The following THSD7A variants were observed in gnomAD, a reference collection of about 807,000 sequenced individuals.
THSD7A encodes thrombospondin type-1 domain-containing protein 7A.
Under a neutral mutation model 231.3 loss-of-function variants are expected in THSD7A, and 96 were observed. The observed-to-expected ratio is 0.41, with a 90% CI of 0.35 to 0.49. The LOEUF (loss-of-function observed/expected upper bound fraction) is 0.49, where lower values mean the gene tolerates loss of function less well. Ranked by LOEUF, THSD7A falls within the 20% of genes least tolerant of loss-of-function variation. THSD7A has a pLI of 0.05. For synonymous variants in THSD7A, 940 were observed against 743.3 expected, an observed-to-expected ratio of 1.26 and a Z score of -4.30; for missense variants, 2,290 against 2,070.2, an observed-to-expected ratio of 1.11 and a Z score of -2.06.
chr7:11,639,681 A>G (rs965818989), intron 1 of THSD7A, among the ~76,000 whole-genome samples: 4 of 152,122 alleles, frequency 2.6e-5, no homozygotes, highest in African/African-American at 7.2e-5. Context: ...AAAAATAATA[A>G]TAATAAATAA....
intron 1 of THSD7A, among the ~76,000 whole-genome samples, chr7:11,699,189 C>A (rs1007405268): frequency 1.3e-5 from 2 of 151,044 alleles, no homozygotes; most frequent in East Asian, 3.9e-4. Context: ...TTAAATACTA[C>A]AGACTCATTC....
At chr7:11,539,728 G>A (rs137968426) in intron 6 of THSD7A, among the ~76,000 whole-genome samples, 1 of 152,204 alleles carries the variant, frequency 6.6e-6, no homozygotes, top group Admixed American at 6.5e-5. Context: ...TATTCCATTA[G>A]CACAAATACC....
At chr7:11,663,544 TAG>T (rs1381384696) in intron 1 of THSD7A, among the ~76,000 whole-genome samples, 3 of 151,568 alleles carry the variant, frequency 2.0e-5, no homozygotes, top group Non-Finnish European at 3.0e-5. Flanking sequence ...GCTTATGTTG[TAG>T]AGTCAGAAAT....
At chr7:11,668,703 G>A (rs1396796475) in intron 1 of THSD7A, among the ~76,000 whole-genome samples, 1 of 152,148 alleles carries the variant, frequency 6.6e-6, no homozygotes, top group African/African-American at 2.4e-5. Context: ...TTTGGTGACA[G>A]TAAATGTAAG....
In THSD7A at chr7:11,411,381, A is replaced by T; in HGVS notation, c.3683-59T>A. ...CTAAGTAAGAAACAGATTTCAAATG[A>T]AACTCTGATGACCTGAATCCCATAT... On this transcript the variant is annotated intron_variant, in intron 18 of 27. Coordinates refer to ENST00000423059, the MANE Select transcript of THSD7A (RefSeq NM_015204.3). This position sits in a 1 kb window ranked among gnomAD's most constrained non-coding sequence, Gnocchi z 4.1. 1.7e-6 allele frequency: 2 copies of T among 1,166,120 alleles called. No homozygotes were observed. The highest frequency in any genetic ancestry group is 2.7e-5 in the South Asian group (2 of 75,104). The allele number at this position is 1,166,120 out of a possible 1,614,324, so 72.2% of individuals were successfully genotyped here. A position where few individuals can be genotyped will look rare whatever the true frequency, so the allele number is the denominator to read the frequency against.
chr7:11,606,606 T>C (rs1780742702), intron 2 of THSD7A, among the ~76,000 whole-genome samples: 2 of 152,164 alleles, frequency 1.3e-5, no homozygotes, highest in South Asian at 4.1e-4. Flanking sequence ...TATAATATTC[T>C]TATTGAGTTA....
rs549847735 is a variant in THSD7A at position 11,663,067 on chromosome 7, C to T, written c.191-26106G>A. On this transcript the variant is annotated intron_variant, in intron 1 of 27. Coordinates refer to ENST00000423059, the MANE Select transcript of THSD7A (RefSeq NM_015204.3). The stretch of plus-strand genomic sequence containing the variant: ...AAGAGAGAAATACTAAGAGTAAAAA[C>T]TTAATTAATGAAATGGAAATCAAAT... Among the ~76,000 whole-genome samples, 113 of 150,996 alleles carry T rather than the reference C, an allele frequency of 7.5e-4. 1 individual carries two copies. Among genetic ancestry groups the T allele is most frequent in the African/African-American group, 2.6e-3 (107 of 41,372 alleles).
At chr7:11,693,294 T>C (rs1343571852) in intron 1 of THSD7A, among the ~76,000 whole-genome samples, 4 of 151,572 alleles carry the variant, frequency 2.6e-5, no homozygotes, top group Non-Finnish European at 5.9e-5. Flanking sequence ...TATTATAATC[T>C]AGTAAATTTA....
chr7:11,656,395 C>T (rs1782706672), intron 1 of THSD7A, among the ~76,000 whole-genome samples: 1 of 151,834 alleles, frequency 6.6e-6, no homozygotes, highest in East Asian at 1.9e-4. Context: ...TCATTGTCTG[C>T]TAAGGTACAA....
chr7:11,563,991 C>T (rs2214588), intron 4 of THSD7A, among the ~76,000 whole-genome samples: 124,896 of 152,148 alleles, frequency 0.82, 51,772 homozygotes, highest in African/African-American at 0.92. Flanking sequence ...TTCATTGGAG[C>T]GGTCACTGTC....
chr7:11,626,628 T>C (rs1194125215), intron 2 of THSD7A, among the ~76,000 whole-genome samples: 1 of 152,046 alleles, frequency 6.6e-6, no homozygotes, highest in African/African-American at 2.4e-5. Context: ...CACCAACTAA[T>C]TGATAGTGAT....
chr7:11,695,911 AG>A (rs1562483428), intron 1 of THSD7A, among the ~76,000 whole-genome samples: 2 of 151,580 alleles, frequency 1.3e-5, no homozygotes, highest in Non-Finnish European at 1.5e-5. Flanking sequence ...AGGGTGGCCT[AG>A]GGAGATAGGA....
rs770669386 is a variant in THSD7A, at chr7:11,374,618, C to CT, written c.*1175_*1176insA. On this transcript the variant is annotated 3_prime_UTR_variant, in exon 28 of 28. Coordinates refer to ENST00000423059, the MANE Select transcript of THSD7A (RefSeq NM_015204.3). ...CTCAAAATTAAAAAGACATCCAGTT[C>CT]CTTTTTCTTTTTTTTTCTTAACAAA... The CT allele has an allele frequency of 1.1e-4, 5 of 46,484 alleles. No homozygotes were observed. The highest frequency in any genetic ancestry group is 6.2e-4 in the African/African-American group (4 of 6,476). 2.9% of individuals were successfully genotyped at this position (46,484 alleles called of 1,614,324 possible). A position where few individuals can be genotyped will look rare whatever the true frequency, so the allele number is the denominator to read the frequency against.
chr7:11,566,718 G>T (rs1790344633), intron 4 of THSD7A, among the ~76,000 whole-genome samples: 1 of 151,980 alleles, frequency 6.6e-6, no homozygotes, highest in South Asian at 2.1e-4. Flanking sequence ...GAAAGTCTAT[G>T]TCCCCGTTTT....
intron 1 of THSD7A, among the ~76,000 whole-genome samples, chr7:11,664,095 T>G (rs1222552363): frequency 6.6e-6 from 1 of 151,778 alleles, no homozygotes; most frequent in Non-Finnish European, 1.5e-5. Context: ...TGCCTTTTTA[T>G]CTACTCTTTT....
At chr7:11,805,721 C>T (rs1784382696) in intron 1 of THSD7A, among the ~76,000 whole-genome samples, 1 of 151,988 alleles carries the variant, frequency 6.6e-6, no homozygotes, top group Non-Finnish European at 1.5e-5. Flanking sequence ...TTTACAAATA[C>T]ATGCAATTTT....
chr7:11,402,181 T>C (rs1009571947), intron 22 of THSD7A, among the ~76,000 whole-genome samples: 1 of 152,246 alleles, frequency 6.6e-6, no homozygotes, highest in African/African-American at 2.4e-5. Flanking sequence ...TACTGGTCTA[T>C]GTGTTGCTTA....
intron 1 of THSD7A, among the ~76,000 whole-genome samples, chr7:11,671,802 G>A (rs941153449): frequency 6.6e-6 from 1 of 152,110 alleles, no homozygotes. Context: ...AAACTAGGAT[G>A]CTTAAAATTT....
chr7:11,611,883 T>TATCTATC (rs1646793108), intron 2 of THSD7A, among the ~76,000 whole-genome samples: 1 of 151,120 alleles, frequency 6.6e-6, no homozygotes, highest in South Asian at 2.1e-4. Flanking sequence ...TCTATCTATC[T>TATCTATC]ATCTGTCTAT....
Sources: allele counts gnomAD v4.1 joint callset (sites outside exome capture counted in the v4.1 genomes callset), GRCh38; gene constraint gnomAD v4.1.1; non-coding constraint Gnocchi (gnomAD v3.1); transcripts MANE v1.5; gene names NCBI Gene and HGNC (gene_info 2026-07-23, HGNC 2026-07-21).